Variants in PDE7B observed in about 807,000 individuals in gnomAD.
The protein encoded by PDE7B is phosphodiesterase 7B.
A neutral mutation model predicts 56.2 loss-of-function variants in PDE7B; 29 were observed. The ratio of observed to expected loss-of-function variants is 0.52; its 90% CI spans 0.38 to 0.70. The LOEUF (loss-of-function observed/expected upper bound fraction) is 0.70. Among genes scored for constraint, PDE7B ranks in the 30% least tolerant of loss-of-function variants. The pLI is 0.00. For synonymous variants in PDE7B, 197 were observed against 196.9 expected (o/e 1.00, Z 0.00); for missense variants, 490 against 565.0 (o/e 0.87, Z 1.35).
rs1779299040 is a variant in PDE7B, at chr6:136,195,454, T to TAA, written c.*3614_*3615insAA. ...TCATTTTGTATACACATGTGAGGTTTGAAAAAAAAAAAAAAAAAAAAAAGA... is the reference window on the plus strand; with the variant it reads ...TCATTTTGTATACACATGTGAGGTTTAAGAAAAAAAAAAAAAAAAAAAAAAGA... On this transcript the variant is annotated 3_prime_UTR_variant, in exon 13 of 13. Transcript: ENST00000308191. 1 of 110,892 alleles carries TAA rather than the reference T, an allele frequency of 9.0e-6. No individual in the cohort carries two copies. Among genetic ancestry groups the TAA allele is most frequent in the Admixed American group, 9.1e-5 (1 of 10,980 alleles). The allele number at this position is 110,892 out of a possible 1,614,324, so 6.9% of individuals were successfully genotyped here. A position where few individuals can be genotyped will look rare whatever the true frequency, so the allele number is the denominator to read the frequency against.
At chr6:135,969,360 A>G (rs1279774430) in intron 2 of PDE7B, among the ~76,000 whole-genome samples, 1 of 152,208 alleles carries the variant, frequency 6.6e-6, no homozygotes, top group African/African-American at 2.4e-5. Context: ...TACATTTCAC[A>G]TATTAAAATA....
intron 1 of PDE7B, among the ~76,000 whole-genome samples, chr6:135,852,319 AT>A (rs1774957130): frequency 6.6e-6 from 1 of 152,136 alleles, no homozygotes; most frequent in African/African-American, 2.4e-5. Flanking sequence ...AAAAAAAAAA[AT>A]AAAGAATGCA....
In PDE7B at chr6:135,940,644, T is replaced by A. The variant is rs181297669; in HGVS notation, c.22-6820T>A. 2.4e-3 allele frequency among the ~76,000 whole-genome samples: 363 copies of A among 152,326 alleles called. 2 individuals are homozygous for A. The highest frequency in any genetic ancestry group is 8.1e-3 in the African/African-American group (336 of 41,582). On this transcript the variant is annotated intron_variant, in intron 1 of 12. Coordinates refer to ENST00000308191, the MANE Select transcript of PDE7B (RefSeq NM_018945.4). The stretch of plus-strand genomic sequence containing the variant: ...AGGGATCTGTCTTTGATTAGTACCA[T>A]TCAGTTCTTGGTTGGGGAAAAGTGT...
intron 2 of PDE7B, among the ~76,000 whole-genome samples, chr6:136,066,373 C>T (rs1776937076): frequency 6.6e-6 from 1 of 152,072 alleles, no homozygotes; most frequent in Non-Finnish European, 1.5e-5. Flanking sequence ...GGGATGACTC[C>T]GAACCAAATA....
At chr6:136,150,275 A>G (rs543349143) in intron 5 of PDE7B, among the ~76,000 whole-genome samples, 7 of 152,306 alleles carry the variant, frequency 4.6e-5, no homozygotes, top group Non-Finnish European at 7.4e-5. Context: ...AGGGGGAAAT[A>G]AATTGTATTT....
intron 2 of PDE7B, among the ~76,000 whole-genome samples, chr6:136,019,628 G>A (rs563420512): frequency 1.3e-5 from 2 of 152,258 alleles, no homozygotes; most frequent in Admixed American, 6.5e-5. Flanking sequence ...TCTGCATAGT[G>A]GAAAATCTGT....
chr6:136,028,787 T>A (rs1380703822), intron 2 of PDE7B, among the ~76,000 whole-genome samples: 1 of 152,268 alleles, frequency 6.6e-6, no homozygotes, highest in Non-Finnish European at 1.5e-5. Context: ...TGTATTTTAA[T>A]GATGGCTGAT....
At chr6:135,932,834 A>G (rs1562444277) in intron 1 of PDE7B, among the ~76,000 whole-genome samples, 1 of 152,168 alleles carries the variant, frequency 6.6e-6, no homozygotes, top group Non-Finnish European at 1.5e-5. Context: ...GGACAAAGGG[A>G]AGAGCAAAGC....
chr6:136,076,166 G>A (rs1777124289), intron 2 of PDE7B, among the ~76,000 whole-genome samples: 1 of 152,128 alleles, frequency 6.6e-6, no homozygotes, highest in African/African-American at 2.4e-5. Flanking sequence ...GAAGAGAGAA[G>A]CCTAACCAAA....
At chr6:136,139,500 G>A (rs544586396) in intron 3 of PDE7B, among the ~76,000 whole-genome samples, 2 of 152,266 alleles carry the variant, frequency 1.3e-5, no homozygotes, top group South Asian at 2.1e-4. Context: ...TGGGATGGCT[G>A]GGTCAAATGG....
At chr6:135,966,672 C>T (rs1266008643) in intron 2 of PDE7B, among the ~76,000 whole-genome samples, 3 of 152,060 alleles carry the variant, frequency 2.0e-5, no homozygotes, top group Non-Finnish European at 4.4e-5. Context: ...ATGGACTGAC[C>T]CAAATACCCT....
intron 2 of PDE7B, among the ~76,000 whole-genome samples, chr6:135,959,676 GC>G (rs1562452887): frequency 6.6e-6 from 1 of 152,012 alleles, no homozygotes; most frequent in African/African-American, 2.4e-5. Context: ...CTAATGAAAT[GC>G]CAAGAGGACT....
At position 135,903,435 on chromosome 6, in the gene PDE7B, G is replaced by A. The variant is rs117135895; in HGVS notation, c.22-44029G>A. 4.9e-3 allele frequency among the ~76,000 whole-genome samples: 749 copies of A among 152,272 alleles called. 2 individuals carry two copies. The highest frequency in any genetic ancestry group is 5.6e-3 in the Non-Finnish European group (382 of 68,030). Reference sequence around the variant, plus strand: ...ATGCTGCTTCCAGGAGTATGTGCAAGTGAAATACTCAGTTTAGTGTCTGAG... The same window carrying A: ...ATGCTGCTTCCAGGAGTATGTGCAAATGAAATACTCAGTTTAGTGTCTGAG... On this transcript the variant is annotated intron_variant, in intron 1 of 12. Transcript: ENST00000308191.
intron 1 of PDE7B, among the ~76,000 whole-genome samples, chr6:135,861,582 T>C (rs1775147552): frequency 6.6e-6 from 1 of 150,874 alleles, no homozygotes; most frequent in Non-Finnish European, 1.5e-5. Context: ...TTTTTTCCAT[T>C]GGTAAAATCT....
chr6:136,142,780 CTTT>C (rs1221199936), intron 3 of PDE7B, among the ~76,000 whole-genome samples: 1 of 151,868 alleles, frequency 6.6e-6, no homozygotes, highest in East Asian at 1.9e-4. Flanking sequence ...CAACCCCTGC[CTTT>C]TTTTGTTTTC....
intron 1 of PDE7B, among the ~76,000 whole-genome samples, chr6:135,884,739 T>C (rs1775671330): frequency 6.6e-6 from 1 of 152,204 alleles, no homozygotes; most frequent in African/African-American, 2.4e-5. Context: ...GATTGTATCA[T>C]GTGTATCTTT....
At chr6:136,067,242 T>C (rs1448481840) in intron 2 of PDE7B, among the ~76,000 whole-genome samples, 1 of 152,200 alleles carries the variant, frequency 6.6e-6, no homozygotes, top group Non-Finnish European at 1.5e-5. Context: ...GATAATAAGA[T>C]GAGGCATGCA....
rs1371910533 is a variant in PDE7B, at chr6:136,148,370, AAAGAAAAGAAAAGAAAG to A, written c.319-713_319-697del. Among the ~76,000 whole-genome samples the A allele has an allele frequency of 6.5e-4, 97 of 149,848 alleles. 1 individual carries two copies. The highest frequency in any genetic ancestry group is 3.6e-3 in the Admixed American group (53 of 14,866). On this transcript the variant is annotated intron_variant, in intron 4 of 12. Transcript: ENST00000308191. Reference sequence around the variant, plus strand: ...GACCAGGTCTCAAAAAGAAAGAAGGAAAGAAAAGAAAAGAAAGAAGGAAAGGAAAGAAAGAAGGAAAG... The same window carrying A: ...GACCAGGTCTCAAAAAGAAAGAAGGAAAGGAAAGGAAAGAAAGAAGGAAAG...
chr6:136,050,730 G>A (rs868572736), intron 2 of PDE7B, among the ~76,000 whole-genome samples: 5 of 152,174 alleles, frequency 3.3e-5, no homozygotes, highest in Admixed American at 2.6e-4. Context: ...CCTGTACTCA[G>A]AAAGCAAGTT....
Sources: gnomAD v4.1 joint callset for allele counts (sites outside exome capture counted in the v4.1 genomes callset) on GRCh38, gnomAD v4.1.1 for gene constraint, MANE v1.5 for transcripts, NCBI Gene and HGNC (gene_info 2026-07-23, HGNC 2026-07-21) for gene names.